Variants in KLC4 observed in about 807,000 individuals in gnomAD.
KLC4 encodes kinesin light chain 4.
KLC4 carries 49 observed loss-of-function variants against 77.2 expected under a neutral mutation model. That is an observed-to-expected ratio of 0.63 (90% CI 0.50 to 0.80). The LOEUF is 0.80. KLC4 is among the 30% of genes least tolerant of loss of function. The pLI, the probability that KLC4 is intolerant of heterozygous loss-of-function variation, is 0.00. For synonymous variants in KLC4, 274 were observed against 314.5 expected (o/e 0.87, Z 1.36); for missense variants, 669 against 793.5 (o/e 0.84, Z 1.89).
intron 7 of KLC4, 75 bp from the exon 8 acceptor site, chr6:43,070,617 T>C: frequency 6.6e-7 from 1 of 1,511,686 alleles, no homozygotes; most frequent in Non-Finnish European, 9.1e-7. Context: ...TGTGTGTGCC[T>C]ACATGCAAAC....
Position 43,073,160 on chromosome 6 carries a change from T to G in KLC4, c.1630-63T>G. 5 of 1,428,070 alleles carry G rather than the reference T, an allele frequency of 3.5e-6. No individual in the cohort carries two copies. In the South Asian group the frequency reaches 5.9e-5, roughly 17 times the overall value. 88.5% of individuals were successfully genotyped at this position (1,428,070 alleles called of 1,614,324 possible). A position where few individuals can be genotyped will look rare whatever the true frequency, so the allele number is the denominator to read the frequency against. ...ATGTGTGCAGAATAAATGCTAGGAG[T>G]AGACTCAGAAACCCATCTGTGTGGG... On this transcript the variant is annotated intron_variant, in intron 13 of 15. Coordinates refer to ENST00000347162, the MANE Select transcript of KLC4 (RefSeq NM_201521.3).
At chr6:43,069,828 G>A (rs1278707608) in intron 6 of KLC4, among the ~76,000 whole-genome samples, 8 of 152,334 alleles carry the variant, frequency 5.3e-5, no homozygotes, top group Non-Finnish European at 1.0e-4. Flanking sequence ...GATTACAGGC[G>A]TGAGCCACTG....
Position 43,074,793 on chromosome 6 carries a change from A to G in KLC4, c.*121A>G. The G allele has an allele frequency of 1.2e-6, 1 of 808,036 alleles. No individual in the cohort carries two copies. Among genetic ancestry groups the G allele is most frequent in the Non-Finnish European group, 2.1e-6 (1 of 468,334 alleles). 50.1% of individuals were successfully genotyped at this position (808,036 alleles called of 1,614,324 possible). ...GACAGTGAAGGGGAGCAGTTTAACC[A>G]GAAGATTGCTGCTGCCCTTAGGGTC... On this transcript the variant is annotated 3_prime_UTR_variant, in exon 16 of 16. Transcript: ENST00000347162.
intron 6 of KLC4, among the ~76,000 whole-genome samples, chr6:43,068,873 C>T (rs1404768498): frequency 1.3e-5 from 2 of 152,008 alleles, no homozygotes; most frequent in Non-Finnish European, 2.9e-5. Flanking sequence ...TTTGGGAGGC[C>T]GAGGTGGTCG....
chr6:43,071,317 A>C lies in KLC4; in HGVS notation c.1198A>C (p.Thr400Pro). 6.2e-7 allele frequency: 1 copy of C among 1,613,904 alleles called. No homozygotes were observed. The highest frequency in any genetic ancestry group is 1.3e-5 in the African/African-American group (1 of 74,930). ...ACAGGGCAAATATGCTGAGGCTGAG[A>C]CACTATACAAAGAGATCCTGACCCG... Reference protein sequence around the residue: ...LKQGKYAEAETLYKEILTRAH... With the variant: ...LKQGKYAEAEPLYKEILTRAH... The change falls in exon 9 of 16, where the codon ACA (threonine) becomes CCA (proline). Residue 400 changes from threonine (T) to proline (P), a missense_variant. Physicochemically the swap from Thr to Pro is conservative, Grantham distance 38. Coordinates refer to ENST00000347162, the MANE Select transcript of KLC4 (RefSeq NM_201521.3).
In KLC4 at chr6:43,070,421, C is replaced by T. The variant is rs755152905; in HGVS notation, c.947C>T (p.Pro316Leu). Residue 316 changes from proline to leucine, a missense_variant, in exon 7 of 16, where the codon CCT becomes CTT. Pro to Leu is a moderately conservative substitution (Grantham distance 98). Transcript: ENST00000347162. Reference sequence around the variant, plus strand: ...AGGGGCAAGTACAAGGAGGCAGAGCCTCTGTGCCAGCGGGCACTGGAGATT... The same window carrying T: ...AGGGGCAAGTACAAGGAGGCAGAGCTTCTGTGCCAGCGGGCACTGGAGATT... The part of the protein sequence containing the change: ...GKRGKYKEAE[P>L]LCQRALEIRE... 2 of 1,614,036 alleles carry T rather than the reference C, an allele frequency of 1.2e-6. No individual in the cohort carries two copies. The highest frequency in any genetic ancestry group is 1.7e-6 in the Non-Finnish European group (2 of 1,179,964).
At chr6:43,070,521 C>A in intron 7 of KLC4, 66 bp downstream of exon 7, 1 of 1,420,342 alleles carries the variant, frequency 7.0e-7, no homozygotes, top group South Asian at 1.2e-5. Flanking sequence ...CTCCTCTGGT[C>A]TAACCCTCCT....
intron 12 of KLC4, among the ~76,000 whole-genome samples, 175 bp downstream of exon 12, chr6:43,072,430 C>G (rs566278572): frequency 6.6e-6 from 1 of 152,282 alleles, no homozygotes; most frequent in East Asian, 1.9e-4. Flanking sequence ...TCTTACCCCC[C>G]ACCTGCATTT....
intron 6 of KLC4, 45 bp from the exon 7 acceptor site, chr6:43,070,309 C>G: frequency 1.4e-6 from 2 of 1,422,138 alleles, no homozygotes; most frequent in Non-Finnish European, 2.0e-6. Context: ...TCCCATAGGT[C>G]TTTTGCAACC....
chr6:43,064,914 A>C (rs1209843513), intron 3 of KLC4, among the ~76,000 whole-genome samples: 1 of 152,184 alleles, frequency 6.6e-6, no homozygotes, highest in African/African-American at 2.4e-5. Context: ...GCTGAGCTAG[A>C]CACTTTCTGG....
chr6:43,065,908 C>T (rs1765399186), intron 4 of KLC4, among the ~76,000 whole-genome samples: 1 of 152,220 alleles, frequency 6.6e-6, no homozygotes, highest in South Asian at 2.1e-4. Flanking sequence ...GTGCCAGGTA[C>T]TGTGCTAGGC....
Position 43,061,591 on chromosome 6 carries a change from C to G in KLC4, c.256C>G (p.Gln86Glu). ...ENIELGLSEA[Q>E]VMLALASHLS... ...CATTGAGCTCGGGCTGAGTGAGGCC[C>G]AGGTGAGAGGGCAAAGGTGGTGCCA... is the stretch of plus-strand genomic sequence containing the variant. Residue 86 changes from glutamine to glutamate, a missense_variant and splice_region_variant, in exon 2 of 16, where the codon CAG becomes GAG. By Grantham distance (29) the Gln-to-Glu change is conservative. Transcript: ENST00000347162. 6.2e-7 allele frequency: 1 copy of G among 1,607,656 alleles called. No homozygotes were observed. Among genetic ancestry groups the G allele is most frequent in the South Asian group, 1.1e-5 (1 of 90,774 alleles).
At chr6:43,074,529 G>C in intron 15 of KLC4, 93 bp from the exon 16 acceptor site, 1 of 1,057,120 alleles carries the variant, frequency 9.5e-7, no homozygotes. Context: ...TAGGTCCAGA[G>C]ATACACTGTG....
At chr6:43,068,656 T>A (rs1404532499) in intron 6 of KLC4, among the ~76,000 whole-genome samples, 1 of 145,196 alleles carries the variant, frequency 6.9e-6, no homozygotes, top group Non-Finnish European at 1.5e-5. Context: ...AAAAAAAAAA[T>A]ATAAAATTAG....
intron 6 of KLC4, 114 bp downstream of exon 6, chr6:43,067,197 GA>G: frequency 6.8e-7 from 1 of 1,477,264 alleles, no homozygotes; most frequent in African/African-American, 1.4e-5. Context: ...GGGTGCTGAG[GA>G]AGGAGGCATA....
chr6:43,067,782 G>C (rs1407173062), intron 6 of KLC4, among the ~76,000 whole-genome samples: 1 of 136,868 alleles, frequency 7.3e-6, no homozygotes, highest in Non-Finnish European at 1.5e-5. Flanking sequence ...GTGACAGAGC[G>C]AGACTCCGTC....
intron 8 of KLC4, 61 bp downstream of exon 8, chr6:43,070,926 A>AGG (rs201530763): frequency 5.3e-4 from 56 of 106,636 alleles, no homozygotes; most frequent in South Asian, 1.9e-3. Flanking sequence ...AGGTGGGGGG[A>AGG]GGGGGGGCAG....
At chr6:43,060,373 G>A (rs776024685) in intron 1 of KLC4, 171 of 1,572,254 alleles carry the variant, frequency 1.1e-4, no homozygotes, top group Non-Finnish European at 1.4e-4. Flanking sequence ...GGAAGGAGAC[G>A]GGAATTGGGC....
chr6:43,060,167 C>T lies in KLC4; in HGVS notation c.-26+482C>T, dbSNP rs768675257. ...TTGTGGAGGCACCCTACGGTGATTCCTCTCAGAGCCTGTTTGTAGGTGACC... is the reference window on the plus strand; with the variant it reads ...TTGTGGAGGCACCCTACGGTGATTCTTCTCAGAGCCTGTTTGTAGGTGACC... On this transcript the variant is annotated intron_variant, in intron 1 of 15. Coordinates refer to ENST00000347162, the MANE Select transcript of KLC4 (RefSeq NM_201521.3). 3.7e-6 allele frequency: 6 copies of T among 1,612,174 alleles called. No homozygotes were observed. In the East Asian group the frequency reaches 8.9e-5, roughly 24 times the overall value.
Sources: gnomAD v4.1 joint callset for allele counts (sites outside exome capture counted in the v4.1 genomes callset) on GRCh38, gnomAD v4.1.1 for gene constraint, MANE v1.5 for transcripts, NCBI Gene and HGNC (gene_info 2026-07-23, HGNC 2026-07-21) for gene names.